ADCY8: variants seen among roughly 807,000 people sequenced by gnomAD.
ADCY8 encodes the protein adenylate cyclase type 8.
A neutral mutation model predicts 119.7 loss-of-function variants in ADCY8; 51 were observed. The ratio of observed to expected loss-of-function variants is 0.43; its 90% CI spans 0.34 to 0.54. The LOEUF is 0.54. Among genes scored for constraint, ADCY8 ranks in the 20% least tolerant of loss-of-function variants. ADCY8 has a pLI of 0.03. For synonymous variants in ADCY8, 665 were observed against 651.0 expected (o/e 1.02, Z -0.33); for missense variants, 1,383 against 1,598.8 (o/e 0.87, Z 2.30).
rs77382874 is a variant in ADCY8, at chr8:130,937,054, G to C, written c.1481+19C>G. On this transcript the variant is annotated intron_variant, in intron 5 of 17. Coordinates refer to ENST00000286355, the MANE Select transcript of ADCY8 (RefSeq NM_001115.3). ...TGCACATTGAAGACCCAGGTAACAT[G>C]ATGGGGATCACAAATTACCTGATGG... 3.4e-3 allele frequency: 5,418 copies of C among 1,602,560 alleles called. 12 individuals are homozygous for C. Among genetic ancestry groups the C allele is most frequent in the Non-Finnish European group, 3.7e-3 (4,370 of 1,172,494 alleles).
At position 130,931,853 on chromosome 8, in the gene ADCY8, A is replaced by AT. The variant is rs373367544; in HGVS notation, c.1481+5219dup. On this transcript the variant is annotated intron_variant, in intron 5 of 17. Transcript: ENST00000286355. Reference sequence around the variant, plus strand: ...ACTTATTATTTTCCTCATTTTATTAATTTTTTTTTGCATTTTCTTCATGTT... The same window carrying AT: ...ACTTATTATTTTCCTCATTTTATTAATTTTTTTTTTGCATTTTCTTCATGTT... Among the ~76,000 whole-genome samples, 21 of 150,940 alleles carry AT rather than the reference A, an allele frequency of 1.4e-4. 1 individual carries two copies. Among genetic ancestry groups the AT allele is most frequent in the South Asian group, 1.3e-3 (6 of 4,742 alleles).
intron 14 of ADCY8, among the ~76,000 whole-genome samples, chr8:130,802,890 G>A (rs1051511131): frequency 4.6e-5 from 7 of 152,194 alleles, no homozygotes; most frequent in African/African-American, 1.4e-4. Flanking sequence ...GGAGAGTCCC[G>A]GCTCCCTCGC....
chr8:130,913,660 C>A (rs965057476), intron 5 of ADCY8, among the ~76,000 whole-genome samples: 1 of 152,010 alleles, frequency 6.6e-6, no homozygotes, highest in Non-Finnish European at 1.5e-5. Flanking sequence ...TATCACACCC[C>A]CCTCCTGTAA....
chr8:130,901,792 G>A (rs1049641822), intron 7 of ADCY8, among the ~76,000 whole-genome samples: 6 of 151,946 alleles, frequency 3.9e-5, no homozygotes, highest in East Asian at 1.9e-4. Flanking sequence ...CAGATTTTTC[G>A]TGCTAAAGAT....
intron 2 of ADCY8, among the ~76,000 whole-genome samples, chr8:130,964,139 A>T (rs1821691866): frequency 2.0e-5 from 3 of 152,184 alleles, no homozygotes; most frequent in Admixed American, 2.0e-4. Context: ...TGAAACCTGC[A>T]TCAACCTTTA....
intron 12 of ADCY8, among the ~76,000 whole-genome samples, 183 bp downstream of exon 12, chr8:130,836,094 G>T (rs1198121825): frequency 1.3e-5 from 2 of 152,174 alleles, no homozygotes; most frequent in African/African-American, 4.8e-5. Flanking sequence ...TCATATAAAT[G>T]ATACCACTGA....
chr8:130,917,392 G>C (rs1337006007), intron 5 of ADCY8, among the ~76,000 whole-genome samples: 2 of 152,180 alleles, frequency 1.3e-5, no homozygotes, highest in African/African-American at 4.8e-5. Context: ...AGTCACACGG[G>C]TGTTAGGTAA....
chr8:130,804,996 C>T (rs907052503), intron 14 of ADCY8, among the ~76,000 whole-genome samples: 3 of 152,126 alleles, frequency 2.0e-5, no homozygotes, highest in Admixed American at 1.3e-4. Flanking sequence ...ATCTACCCAC[C>T]TAGGCCTCCC....
At chr8:130,883,208 T>A (rs961645204) in intron 8 of ADCY8, among the ~76,000 whole-genome samples, 5 of 152,222 alleles carry the variant, frequency 3.3e-5, no homozygotes, top group Admixed American at 2.6e-4. Flanking sequence ...TGTATAGCTC[T>A]GGACACAGGT....
chr8:130,996,190 G>A (rs540788387), intron 1 of ADCY8, among the ~76,000 whole-genome samples: 2 of 151,858 alleles, frequency 1.3e-5, no homozygotes, highest in African/African-American at 4.8e-5. Context: ...AAAGAAGAGA[G>A]GTATTTCTGT....
At chr8:130,906,979 G>T (rs902990271) in intron 6 of ADCY8, among the ~76,000 whole-genome samples, 1 of 151,890 alleles carries the variant, frequency 6.6e-6, no homozygotes, top group Non-Finnish European at 1.5e-5. Context: ...GTGGTTAGTG[G>T]CAGTGCTGGA....
chr8:130,905,155 T>C (rs111857256), intron 6 of ADCY8, among the ~76,000 whole-genome samples: 1,873 of 152,314 alleles, frequency 0.012, 45 homozygotes, highest in African/African-American at 0.042. Flanking sequence ...GTACAACATA[T>C]ACACTATAAA....
At chr8:130,996,902 C>A (rs1822795143) in intron 1 of ADCY8, among the ~76,000 whole-genome samples, 1 of 152,164 alleles carries the variant, frequency 6.6e-6, no homozygotes, top group Admixed American at 6.5e-5. Context: ...AAATTTGACT[C>A]ATTTCTTTTG....
At chr8:130,898,539 T>C (rs1819485896) in intron 7 of ADCY8, among the ~76,000 whole-genome samples, 2 of 152,222 alleles carry the variant, frequency 1.3e-5, no homozygotes, top group South Asian at 4.1e-4. Flanking sequence ...GTACCAGTTG[T>C]GTACTTTTCT....
chr8:131,023,445 T>C (rs1412283049), intron 1 of ADCY8, among the ~76,000 whole-genome samples: 1 of 152,090 alleles, frequency 6.6e-6, no homozygotes, highest in Non-Finnish European at 1.5e-5. Context: ...AGTGCCTTGG[T>C]AGGTCACAGA....
chr8:130,806,373 T>A (rs1815958479), intron 14 of ADCY8, among the ~76,000 whole-genome samples: 1 of 152,156 alleles, frequency 6.6e-6, no homozygotes, highest in Admixed American at 6.5e-5. Context: ...CTGAGCACAG[T>A]GGAATATTCA....
intron 1 of ADCY8, among the ~76,000 whole-genome samples, chr8:131,009,392 GT>G (rs67187595): frequency 0.024 from 3,691 of 152,266 alleles, 47 homozygotes; most frequent in East Asian, 0.056. Context: ...TCATGGGGTG[GT>G]TTCCCCCTTT....
At chr8:131,020,490 G>A (rs536534093) in intron 1 of ADCY8, among the ~76,000 whole-genome samples, 1 of 152,308 alleles carries the variant, frequency 6.6e-6, no homozygotes, top group South Asian at 2.1e-4. Flanking sequence ...AATAGAGAAT[G>A]CTGAATTCAT....
chr8:130,980,415 G>T (rs1229093253), intron 2 of ADCY8, among the ~76,000 whole-genome samples: 11 of 152,190 alleles, frequency 7.2e-5, no homozygotes, highest in African/African-American at 2.7e-4. Flanking sequence ...CCTGGAGAAT[G>T]AATTGCAGGG....
Sources: allele counts gnomAD v4.1 joint callset (sites outside exome capture counted in the v4.1 genomes callset), GRCh38; gene constraint gnomAD v4.1.1; transcripts MANE v1.5; gene names NCBI Gene and HGNC (gene_info 2026-07-23, HGNC 2026-07-21).